TAF4B: variants seen among roughly 807,000 people sequenced by gnomAD.
The protein encoded by TAF4B is transcription initiation factor TFIID subunit 4B.
A neutral mutation model predicts 86.4 loss-of-function variants in TAF4B; 38 were observed. The observed-to-expected ratio is 0.44, with a 90% CI of 0.34 to 0.58. TAF4B has a LOEUF of 0.58. Ranked by LOEUF, TAF4B falls within the 20% of genes least tolerant of loss-of-function variation. TAF4B has a pLI of 0.02. For synonymous variants in TAF4B, 388 were observed against 391.2 expected, an observed-to-expected ratio of 0.99 and a Z score of 0.10; for missense variants, 988 against 1,027.6, an observed-to-expected ratio of 0.96 and a Z score of 0.53.
At chr18:26,293,997 G>A (rs900653040) in intron 9 of TAF4B, among the ~76,000 whole-genome samples, 3 of 152,010 alleles carry the variant, frequency 2.0e-5, no homozygotes, top group African/African-American at 7.2e-5. Context: ...TGCATTGCTG[G>A]GAAGCATTTT....
chr18:26,313,855 G>T (rs902132193), intron 9 of TAF4B, among the ~76,000 whole-genome samples: 1 of 151,724 alleles, frequency 6.6e-6, no homozygotes, highest in African/African-American at 2.4e-5. Flanking sequence ...TTCTGTAGAG[G>T]TGGTATCTCC....
At chr18:26,302,728 T>C (rs1598778109) in intron 9 of TAF4B, among the ~76,000 whole-genome samples, 2 of 152,166 alleles carry the variant, frequency 1.3e-5, no homozygotes, top group Middle Eastern at 3.4e-3. Context: ...GGTTTGGAGG[T>C]TTAGAGATCC....
At chr18:26,230,712 TCTTTTTGATTACAAGGTC>T (rs1469420840) in intron 1 of TAF4B, among the ~76,000 whole-genome samples, 9 of 152,210 alleles carry the variant, frequency 5.9e-5, no homozygotes, top group Middle Eastern at 3.2e-3. Flanking sequence ...CACTTTGTTT[TCTTTTTGATTACAAGGTC>T]CTTTTTGATT....
chr18:26,261,128 G>C (rs2056159106), intron 1 of TAF4B, among the ~76,000 whole-genome samples: 5 of 148,304 alleles, frequency 3.4e-5, no homozygotes, highest in Admixed American at 3.3e-4. Context: ...AGCAGCTGCT[G>C]ATGTTACTTT....
At chr18:26,389,792 T>C (rs1978598652) in intron 14 of TAF4B, 53 bp from the exon 15 acceptor site, 2 of 1,572,252 alleles carry the variant, frequency 1.3e-6, no homozygotes, top group Non-Finnish European at 8.6e-7. Flanking sequence ...TGACAGGCTT[T>C]CCCTTTATGA....
At chr18:26,267,680 T>C in intron 3 of TAF4B, 57 bp downstream of exon 3, 1 of 1,194,884 alleles carries the variant, frequency 8.4e-7, no homozygotes. Flanking sequence ...AAAAAAATCA[T>C]TTAGCTATCT....
intron 11 of TAF4B, among the ~76,000 whole-genome samples, chr18:26,323,979 C>T (rs1391251534): frequency 6.6e-6 from 1 of 151,772 alleles, no homozygotes; most frequent in African/African-American, 2.4e-5. Flanking sequence ...GTTTTGTGTT[C>T]CTCACTTCCT....
At chr18:26,229,611 TC>T (rs1205515762) in intron 1 of TAF4B, among the ~76,000 whole-genome samples, 1 of 150,992 alleles carries the variant, frequency 6.6e-6, no homozygotes, top group Non-Finnish European at 1.5e-5. Flanking sequence ...CAAGCAATTC[TC>T]CCGTCTCAGC....
chr18:26,361,142 G>GA (rs938076925), intron 14 of TAF4B, among the ~76,000 whole-genome samples: 9 of 151,636 alleles, frequency 5.9e-5, no homozygotes, highest in African/African-American at 1.2e-4. Context: ...TCACGTTGTT[G>GA]AAAAAACCTC....
chr18:26,304,710 G>A, intron 9 of TAF4B: 4 of 985,318 alleles, frequency 4.1e-6, no homozygotes, highest in Non-Finnish European at 4.8e-6. Flanking sequence ...TTGCCCTTGA[G>A]GCAATTCTTC....
intron 1 of TAF4B, among the ~76,000 whole-genome samples, chr18:26,241,710 C>T (rs1032103719): frequency 6.6e-6 from 1 of 152,178 alleles, no homozygotes; most frequent in African/African-American, 2.4e-5. Context: ...CCTGCTTTCT[C>T]TTATGGGAAT....
chr18:26,343,944 T>C (rs2057156198), intron 13 of TAF4B, among the ~76,000 whole-genome samples: 1 of 152,112 alleles, frequency 6.6e-6, no homozygotes, highest in South Asian at 2.1e-4. Context: ...AATCAACAGA[T>C]ACCAGCCCCA....
intron 13 of TAF4B, among the ~76,000 whole-genome samples, chr18:26,352,750 T>C (rs555968472): frequency 1.2e-3 from 182 of 152,148 alleles, no homozygotes; most frequent in African/African-American, 4.1e-3. Context: ...AGTGAGACCC[T>C]GTCTCCCCGC....
chr18:26,246,737 T>C (rs947425461), intron 1 of TAF4B, among the ~76,000 whole-genome samples: 1 of 152,064 alleles, frequency 6.6e-6, no homozygotes, highest in East Asian at 1.9e-4. Flanking sequence ...TTCACAATAT[T>C]GGCCAGGCTG....
chr18:26,227,680 G>A (rs926880390), intron 1 of TAF4B, among the ~76,000 whole-genome samples: 1 of 152,192 alleles, frequency 6.6e-6, no homozygotes, highest in Non-Finnish European at 1.5e-5. Context: ...ATGAGGTATG[G>A]TTTCGCTCTG....
intron 14 of TAF4B, among the ~76,000 whole-genome samples, chr18:26,369,018 A>G (rs1484214799): frequency 6.6e-6 from 1 of 152,236 alleles, no homozygotes; most frequent in Non-Finnish European, 1.5e-5. Flanking sequence ...AGTTGATTCA[A>G]ACTAGTGACT....
intron 13 of TAF4B, among the ~76,000 whole-genome samples, chr18:26,339,616 TGTG>T (rs1297465593): frequency 1.5e-5 from 2 of 133,486 alleles, no homozygotes; most frequent in African/African-American, 8.2e-5. Context: ...AGTGAGACAC[TGTG>T]GCCCGCTGAA....
intron 13 of TAF4B, among the ~76,000 whole-genome samples, chr18:26,342,489 C>T (rs191290451): frequency 5.5e-4 from 83 of 152,200 alleles, no homozygotes; most frequent in Admixed American, 3.9e-3. Flanking sequence ...TTTTAATTTT[C>T]CTTTTATTCT....
intron 14 of TAF4B, among the ~76,000 whole-genome samples, chr18:26,376,937 G>T (rs1291078460): frequency 6.6e-6 from 1 of 151,844 alleles, no homozygotes; most frequent in Non-Finnish European, 1.5e-5. Flanking sequence ...TGAGATGATC[G>T]TGCTTTTTTT....
Sources: allele counts gnomAD v4.1 joint callset (sites outside exome capture counted in the v4.1 genomes callset), GRCh38; gene constraint gnomAD v4.1.1; transcripts MANE v1.5; gene names NCBI Gene and HGNC (gene_info 2026-07-23, HGNC 2026-07-21).